The following PPRC1 variants were observed in gnomAD, a reference collection of about 807,000 sequenced individuals.
PPRC1 encodes the protein peroxisome proliferator-activated receptor gamma coactivator-related protein 1.
Under a neutral mutation model 132.5 loss-of-function variants are expected in PPRC1, and 23 were observed. The ratio of observed to expected loss-of-function variants is 0.17; its 90% confidence interval spans 0.12 to 0.25. The LOEUF (loss-of-function observed/expected upper bound fraction) is 0.25. Among genes scored for constraint, PPRC1 ranks in the 10% least tolerant of loss-of-function variants. The pLI is 1.00. For synonymous variants in PPRC1, 872 were observed against 833.5 expected, an observed-to-expected ratio of 1.05 and a Z score of -0.80; for missense variants, 2,006 against 2,089.1, an observed-to-expected ratio of 0.96 and a Z score of 0.78.
At chr10:102,127,011 G>A in the PPRC1 span, among the ~76,000 whole-genome samples, 10 of 74,362 alleles carry the variant, frequency 1.3e-4, no homozygotes, top group East Asian at 3.2e-3. Flanking sequence ...AAGGAATATG[G>A]TTTTTTATCA....
upstream of PPRC1, chr10:102,132,907 C>A: frequency 1.9e-6 from 2 of 1,073,612 alleles, no homozygotes; most frequent in Non-Finnish European, 2.4e-6. Context: ...AACCTTCGCG[C>A]GAGGCCAGGG....
At chr10:102,145,600 C>T (rs2069194068) in intron 8 of PPRC1, among the ~76,000 whole-genome samples, 1 of 150,512 alleles carries the variant, frequency 6.6e-6, no homozygotes, top group Admixed American at 6.6e-5. Context: ...CGCGGTGGCC[C>T]ACGCCTGTAA....
chr10:102,130,599 G>T (rs1465822152), upstream of PPRC1, among the ~76,000 whole-genome samples: 1 of 152,036 alleles, frequency 6.6e-6, no homozygotes, highest in Non-Finnish European at 1.5e-5. Flanking sequence ...GCTGGGCGTG[G>T]TGGCACATGC....
At chr10:102,133,369 C>A in intron 1 of PPRC1, 148 bp downstream of exon 1, 1 of 630,678 alleles carries the variant, frequency 1.6e-6, no homozygotes, top group Non-Finnish European at 2.3e-6. Context: ...GGCCCTAGGC[C>A]GTTTGCTGGG....
the PPRC1 span, among the ~76,000 whole-genome samples, chr10:102,125,765 C>T: frequency 1.3e-5 from 2 of 152,160 alleles, no homozygotes; most frequent in Admixed American, 6.5e-5. Flanking sequence ...CATCCAACTC[C>T]CTCTGCTGAC....
At position 102,146,888 on chromosome 10, in the gene PPRC1, G is replaced by C; in HGVS notation, c.3896G>C (p.Cys1299Ser). 6.2e-7 allele frequency: 1 copy of C among 1,614,016 alleles called. No homozygotes were observed. The highest frequency in any genetic ancestry group is 8.5e-7 in the Non-Finnish European group (1 of 1,179,962). The stretch of plus-strand genomic sequence containing the variant: ...GTGGGCTCTGGGGACCATGACTATT[G>C]TGTCCGGAGCAGGACCCCCCCAAAA... The part of the protein sequence containing the change: ...VHVGSGDHDY[C>S]VRSRTPPKKM... The change falls in exon 9 of 14, where the codon TGT (cysteine) becomes TCT (serine). Residue 1299 changes from cysteine to serine, a missense_variant. This residue lies in a region of PPRC1 where 1,914 missense variants were observed against 1,917.2 expected (regional missense o/e 1.00). Transcript: ENST00000278070.
the PPRC1 span, among the ~76,000 whole-genome samples, chr10:102,124,934 C>T: frequency 1.3e-5 from 2 of 152,132 alleles, no homozygotes; most frequent in African/African-American, 2.4e-5. Flanking sequence ...ACATGAGCCA[C>T]TGCCTGACCC....
chr10:102,136,836 C>G (rs1393771915), intron 1 of PPRC1, among the ~76,000 whole-genome samples: 1 of 152,204 alleles, frequency 6.6e-6, no homozygotes. Flanking sequence ...CCTGCCCACA[C>G]CCACACTCTT....
At chr10:102,135,523 C>T (rs1471811343) in intron 1 of PPRC1, among the ~76,000 whole-genome samples, 2 of 152,178 alleles carry the variant, frequency 1.3e-5, no homozygotes, top group Non-Finnish European at 2.9e-5. Context: ...GGATTACAGG[C>T]AAGCACCACC....
Position 102,148,395 on chromosome 10 carries a change from G to C in PPRC1, c.4424G>C (p.Arg1475Pro), listed in dbSNP as rs747493282. 19 of 1,613,110 alleles carry C rather than the reference G, an allele frequency of 1.2e-5. No homozygotes were observed. The South Asian group carries it at 2.0e-4, about 17-fold the overall frequency. Residue 1475 changes from arginine to proline, a missense_variant, in exon 10 of 14, where the codon CGT becomes CCT. Coordinates refer to ENST00000278070, the MANE Select transcript of PPRC1 (RefSeq NM_015062.5). This position sits in a 1 kb window ranked among gnomAD's most constrained non-coding sequence, Gnocchi z 4.2. ...AGGTCCAGCTGTAGTTCCTCTGGAC[G>C]TTCTCGAAGATGCTCTTCCTCTTCT... The part of the protein sequence containing the change: ...WRRSSCSSSG[R>P]SRRCSSSSSS...
At chr10:102,132,827 AACT>A (rs1360891140), upstream of PPRC1, among the ~76,000 whole-genome samples, 2 of 152,204 alleles carry the variant, frequency 1.3e-5, no homozygotes, top group Admixed American at 6.5e-5. Flanking sequence ...TGTAACGCAA[AACT>A]AAGCCCTACA....
At position 102,133,104 on chromosome 10, in the gene PPRC1, G is replaced by A; in HGVS notation, c.36G>A (p.Ala12=). The A allele has an allele frequency of 3.2e-6, 4 of 1,244,402 alleles. No individual in the cohort carries two copies. The highest frequency in any genetic ancestry group is 2.0e-6 in the Non-Finnish European group (2 of 988,334). 77.1% of individuals were successfully genotyped at this position (1,244,402 alleles called of 1,614,324 possible). Residue 12 remains alanine, a synonymous_variant, in exon 1 of 14, where the codon GCG becomes GCA. Transcript: ENST00000278070. ...GCCGGGGACGGAGAGACGGAGTCGC[G>A]CCGCCCCCGAGTGGGGGCCCCGGTC... ...AARRGRRDGV[A]PPPSGGPGPD...
Position 102,146,959 on chromosome 10 carries a change from G to A in PPRC1, c.3967G>A (p.Val1323Ile), listed in dbSNP as rs746405032. ...TCCAGAGGTGGGCTCCCGATGGAAT[G>A]TCAAGCGCCATCAGGACATCACCAT... ...VIPEVGSRWN[V>I]KRHQDITIKP... Residue 1323 changes from valine (V) to isoleucine (I), a missense_variant, in exon 9 of 14, where the codon GTC (valine) becomes ATC (isoleucine). Val to Ile is a conservative substitution (Grantham distance 29). This residue lies in a region of PPRC1 where 1,914 missense variants were observed against 1,917.2 expected (regional missense o/e 1.00). Transcript: ENST00000278070. 2 of 1,614,138 alleles carry A rather than the reference G, an allele frequency of 1.2e-6. No individual in the cohort carries two copies. The highest frequency in any genetic ancestry group is 1.1e-5 in the South Asian group (1 of 91,080).
At chr10:102,136,704 A>T (rs2068735495) in intron 1 of PPRC1, among the ~76,000 whole-genome samples, 1 of 152,132 alleles carries the variant, frequency 6.6e-6, no homozygotes, top group African/African-American at 2.4e-5. Context: ...TATTGGTAGT[A>T]TCTGTGGTTT....
intron 8 of PPRC1, among the ~76,000 whole-genome samples, chr10:102,145,835 A>G (rs908398508): frequency 1.3e-5 from 2 of 152,218 alleles, no homozygotes; most frequent in Non-Finnish European, 2.9e-5. Context: ...ACTGCCCTCC[A>G]GCCTAGGCGA....
At chr10:102,137,784 T>C (rs1041566981) in intron 1 of PPRC1, 66 bp from the exon 2 acceptor site, 1 of 1,492,042 alleles carries the variant, frequency 6.7e-7, no homozygotes, top group South Asian at 1.3e-5. Flanking sequence ...GGTACCTGAT[T>C]TATGGAGCAT....
At chr10:102,125,003 G>T in the PPRC1 span, among the ~76,000 whole-genome samples, 1 of 151,858 alleles carries the variant, frequency 6.6e-6, no homozygotes, top group Non-Finnish European at 1.5e-5. Flanking sequence ...GGCTGGACTC[G>T]GACTCCTGGG....
At position 102,145,022 on chromosome 10, in the gene PPRC1, G is replaced by T. The variant is rs751368944; in HGVS notation, c.3611G>T (p.Gly1204Val). The change falls in exon 8 of 14, where the codon GGC (glycine) becomes GTC (valine). Residue 1204 changes from glycine (G) to valine (V), a missense_variant and splice_region_variant. Gly to Val is a moderately radical substitution (Grantham distance 109). Coordinates refer to ENST00000278070, the MANE Select transcript of PPRC1 (RefSeq NM_015062.5). ...TTTCCCTTTTCCCCCCCCGCCAGCG[G>T]CGTTGACATTCCCCAGGAGAAGAGG... ...ADSLAVGNSG[G>V]VDIPQEKRPL... is the part of the protein sequence containing the mutation. 1.9e-6 allele frequency: 3 copies of T among 1,599,662 alleles called. No individual in the cohort carries two copies. Among genetic ancestry groups the T allele is most frequent in the Non-Finnish European group, 2.6e-6 (3 of 1,172,450 alleles).
rs773026418 is a variant in PPRC1 at position 102,148,515 on chromosome 10, G to A, written c.4544G>A (p.Arg1515Lys). Residue 1515 changes from arginine (R) to lysine (K), a missense_variant, in exon 10 of 14, where the codon AGG becomes AAG. This residue lies in a region of PPRC1 where 1,914 missense variants were observed against 1,917.2 expected (regional missense o/e 1.00). Transcript: ENST00000278070. This position sits in a 1 kb window ranked among gnomAD's most constrained non-coding sequence, Gnocchi z 4.2. The part of the protein sequence containing the change: ...SPSPRRRSDR[R>K]RRYSSYRSHD... ...TCCCCCCGCCGGAGAAGTGACAGGA[G>A]GCGGCGGTGAGCATGTGTTCAGGGA... 6.2e-7 allele frequency: 1 copy of A among 1,613,484 alleles called. No homozygotes were observed. The highest frequency in any genetic ancestry group is 1.1e-5 in the South Asian group (1 of 91,074).
Sources: gnomAD v4.1 joint callset for allele counts (sites outside exome capture counted in the v4.1 genomes callset) on GRCh38, gnomAD v4.1.1 for gene constraint, gnomAD v4.1.1 regional missense constraint, Gnocchi (gnomAD v3.1) non-coding constraint, MANE v1.5 for transcripts, NCBI Gene and HGNC (gene_info 2026-07-23, HGNC 2026-07-21) for gene names.